TVP23C: variants seen among roughly 807,000 people sequenced by gnomAD.
The protein encoded by TVP23C is Golgi apparatus membrane protein TVP23 homolog C.
In TVP23C, 19 loss-of-function variants were observed where a neutral mutation model predicts 28.7. That is an observed-to-expected ratio of 0.66 (90% CI 0.46 to 0.97). The LOEUF (loss-of-function observed/expected upper bound fraction) is 0.97. TVP23C is among the 50% of genes least tolerant of loss of function. The probability of loss-of-function intolerance (pLI) is 0.00; values close to 1 mark genes in which losing one functional copy is unlikely to be tolerated. For synonymous variants in TVP23C, 68 were observed against 81.7 expected, an observed-to-expected ratio of 0.83 and a Z score of 0.90; for missense variants, 186 against 241.3, an observed-to-expected ratio of 0.77 and a Z score of 1.52.
At chr17:15,510,447 C>A (rs138610408) in intron 5 of TVP23C, among the ~76,000 whole-genome samples, 3 of 152,282 alleles carry the variant, frequency 2.0e-5, no homozygotes, top group African/African-American at 7.2e-5. Flanking sequence ...CCATCTCACA[C>A]CAGTCAGAAT....
chr17:15,555,260 C>T, intron 2 of TVP23C, 22 bp downstream of exon 2: 1 of 1,613,880 alleles, frequency 6.2e-7, no homozygotes, highest in Non-Finnish European at 8.5e-7. Flanking sequence ...ACTAACACAG[C>T]TCATGCAACT....
At chr17:15,517,791 A>G (rs527272739) in intron 5 of TVP23C, among the ~76,000 whole-genome samples, 103 of 152,320 alleles carry the variant, frequency 6.8e-4, no homozygotes, top group Non-Finnish European at 1.0e-3. Flanking sequence ...CAGGCGGCAG[A>G]AACAGAAGGT....
chr17:15,550,547 T>G (rs1983840520), intron 3 of TVP23C, among the ~76,000 whole-genome samples: 1 of 152,202 alleles, frequency 6.6e-6, no homozygotes, highest in African/African-American at 2.4e-5. Flanking sequence ...AACTTATTTA[T>G]TTTTTGGCAC....
chr17:15,554,748 C>T (rs1416026849), intron 2 of TVP23C, among the ~76,000 whole-genome samples: 1 of 152,192 alleles, frequency 6.6e-6, no homozygotes, highest in Non-Finnish European at 1.5e-5. Flanking sequence ...CTTCTAGCAA[C>T]AGCTAATCTA....
intron 5 of TVP23C, among the ~76,000 whole-genome samples, chr17:15,524,837 G>A (rs1282892367): frequency 6.6e-6 from 1 of 152,188 alleles, no homozygotes; most frequent in Non-Finnish European, 1.5e-5. Context: ...ATAGCACCAA[G>A]AGCTGGAAAC....
At position 15,537,391 on chromosome 17, in the gene TVP23C, T is replaced by A. The variant is rs1983199111; in HGVS notation, c.*3021A>T. On this transcript the variant is annotated 3_prime_UTR_variant, in exon 6 of 6. Transcript: ENST00000518321. ...TGCTCTTTTAGTGGTAAAAGATCTATTAGCTCAAGGTCCACTGAAGAACTT... is the reference window on the plus strand; with the variant it reads ...TGCTCTTTTAGTGGTAAAAGATCTAATAGCTCAAGGTCCACTGAAGAACTT... 6 of 984,918 alleles carry A rather than the reference T, an allele frequency of 6.1e-6. No homozygotes were observed. The highest frequency in any genetic ancestry group is 7.2e-6 in the Non-Finnish European group (6 of 829,594). The allele number at this position is 984,918 out of a possible 1,614,324, so 61.0% of individuals were successfully genotyped here. A position where few individuals can be genotyped will look rare whatever the true frequency, so the allele number is the denominator to read the frequency against.
rs375773171 is a variant in TVP23C, at chr17:15,542,351, A to T, written c.463-1790T>A. Among the ~76,000 whole-genome samples, 513 of 151,944 alleles carry T rather than the reference A, an allele frequency of 3.4e-3. 2 individuals carry two copies. The highest frequency in any genetic ancestry group is 0.011 in the African/African-American group (471 of 41,580). On this transcript the variant is annotated intron_variant, in intron 5 of 5. Transcript: ENST00000518321. ...CAGGAGACGAAGCGCAGAAGGATCA[A>T]TAATCATGAGAGATGATCATCTTAA...
intron 5 of TVP23C, among the ~76,000 whole-genome samples, chr17:15,513,485 A>T (rs1982087675): frequency 6.6e-6 from 1 of 152,202 alleles, no homozygotes; most frequent in Non-Finnish European, 1.5e-5. Context: ...TGGGGGATTG[A>T]ACGTCATGTT....
At chr17:15,532,383 G>A (rs914331952), downstream of TVP23C, among the ~76,000 whole-genome samples, 9 of 152,098 alleles carry the variant, frequency 5.9e-5, no homozygotes, top group Non-Finnish European at 1.2e-4. Context: ...AAATCTCTGG[G>A]GATGGGGCGT....
At chr17:15,554,052 T>C (rs1000323685) in intron 2 of TVP23C, among the ~76,000 whole-genome samples, 1 of 152,184 alleles carries the variant, frequency 6.6e-6, no homozygotes, top group African/African-American at 2.4e-5. Context: ...CACAGATGAC[T>C]TTAACACCTC....
Position 15,540,115 on chromosome 17 carries a change from C to G in TVP23C, c.*297G>C. On this transcript the variant is annotated 3_prime_UTR_variant, in exon 6 of 6. Coordinates refer to ENST00000518321, the MANE Select transcript of TVP23C (RefSeq NM_001135036.2). ...CTCAAAAAATAAAAATAAAAACATA[C>G]AACATACATTCTGCAAGGGCATTCA... 3 of 1,219,918 alleles carry G rather than the reference C, an allele frequency of 2.5e-6. No homozygotes were observed. The South Asian group carries it at 6.5e-5, about 27-fold the overall frequency. 75.6% of individuals were successfully genotyped at this position (1,219,918 alleles called of 1,614,324 possible).
chr17:15,560,927 T>G lies in TVP23C; in HGVS notation c.12+2510A>C, dbSNP rs536734731. ...GATGTGAGCAAACGTTTAAAAGGAT[T>G]AAAAAACTGATGATGCAAGAAAGAG... On this transcript the variant is annotated intron_variant, in intron 1 of 5. Coordinates refer to ENST00000518321, the MANE Select transcript of TVP23C (RefSeq NM_001135036.2). Among the ~76,000 whole-genome samples, 8 of 150,712 alleles carry G rather than the reference T, an allele frequency of 5.3e-5. 1 individual carries two copies. Among genetic ancestry groups the G allele is most frequent in the Admixed American group, 2.0e-4 (3 of 15,010 alleles).
Position 15,519,905 on chromosome 17 carries a change from C to A in TVP23C, c.463-16673G>T, listed in dbSNP as rs368896495. On this transcript the variant is annotated intron_variant, in intron 5 of 5. Transcript: ENST00000225576. ...CAACAGAGCGAGACTCCGTCTCAAA[C>A]AAACAAACAAAAAGTACTGTCATTT... Among the ~76,000 whole-genome samples, 2 of 152,154 alleles carry A rather than the reference C, an allele frequency of 1.3e-5. 1 individual carries two copies. Among genetic ancestry groups the A allele is most frequent in the Admixed American group, 1.3e-4 (2 of 15,284 alleles).
At chr17:15,535,699 A>G (rs1983125371), downstream of TVP23C, among the ~76,000 whole-genome samples, 1 of 152,252 alleles carries the variant, frequency 6.6e-6, no homozygotes, top group South Asian at 2.1e-4. Flanking sequence ...CTATGTATTT[A>G]CTAAATTATT....
intron 3 of TVP23C, among the ~76,000 whole-genome samples, chr17:15,552,190 G>A (rs553832665): frequency 1.2e-4 from 19 of 152,272 alleles, no homozygotes; most frequent in Admixed American, 8.5e-4. Context: ...AAAAAGAAAC[G>A]TGTATCAAAA....
At chr17:15,510,217 G>A (rs1260694887) in intron 5 of TVP23C, among the ~76,000 whole-genome samples, 1 of 152,188 alleles carries the variant, frequency 6.6e-6, no homozygotes, top group Non-Finnish European at 1.5e-5. Context: ...AGGAAGTAGA[G>A]AAGAGAGCTG....
intron 5 of TVP23C, among the ~76,000 whole-genome samples, chr17:15,514,599 G>C (rs1347401359): frequency 6.6e-6 from 1 of 152,180 alleles, no homozygotes; most frequent in Non-Finnish European, 1.5e-5. Context: ...CAGGGAAATA[G>C]GCAAGCTGAC....
At chr17:15,502,744 T>G in exon 6 of TVP23C, 1 of 1,010,478 alleles carries the variant, frequency 9.9e-7, no homozygotes, top group Non-Finnish European at 1.3e-6. Flanking sequence ...CTCTCTCCTC[T>G]CTCCCGTCTC....
At chr17:15,512,092 G>C (rs1480845858) in intron 5 of TVP23C, among the ~76,000 whole-genome samples, 2 of 152,164 alleles carry the variant, frequency 1.3e-5, no homozygotes, top group African/African-American at 2.4e-5. Flanking sequence ...AACTCCCAGG[G>C]AATGGTGAAG....
Sources: gnomAD v4.1 joint callset for allele counts (sites outside exome capture counted in the v4.1 genomes callset) on GRCh38, gnomAD v4.1.1 for gene constraint, MANE v1.5 for transcripts, NCBI Gene and HGNC (gene_info 2026-07-23, HGNC 2026-07-21) for gene names.